Variants in THSD4 observed in about 807,000 individuals in gnomAD.
The protein encoded by THSD4 is thrombospondin type-1 domain-containing protein 4.
A neutral mutation model predicts 119.0 loss-of-function variants in THSD4; 69 were observed. The observed-to-expected ratio is 0.58, with a 90% CI of 0.48 to 0.71. The LOEUF (loss-of-function observed/expected upper bound fraction) is 0.71. THSD4 is among the 30% of genes least tolerant of loss of function. THSD4 has a pLI of 0.00. For missense variants in THSD4, 1,393 were observed against 1,391.1 expected (o/e 1.00, Z -0.02); for synonymous variants, 524 against 540.4 (o/e 0.97, Z 0.42).
Position 71,236,494 on chromosome 15 carries a change from A to G in THSD4, c.465-6155A>G, listed in dbSNP as rs528307599. Among the ~76,000 whole-genome samples the G allele has an allele frequency of 3.9e-5, 6 of 152,340 alleles. No homozygotes were observed. The South Asian group carries it at 8.3e-4, about 21-fold the overall frequency. On this transcript the variant is annotated intron_variant, in intron 4 of 17. Coordinates refer to ENST00000261862, the MANE Select transcript of THSD4 (RefSeq NM_024817.3). ...CAATAGATGAGACTTCTGTTCCTAC[A>G]TAGAAGGAGGTGGCTTTGTCCTCAG...
chr15:71,602,022 A>G (rs951313023), intron 7 of THSD4, among the ~76,000 whole-genome samples: 2 of 152,122 alleles, frequency 1.3e-5, no homozygotes, highest in African/African-American at 4.8e-5. Context: ...ATGATGTAGG[A>G]GGTGGGATTT....
intron 3 of THSD4, among the ~76,000 whole-genome samples, chr15:71,214,021 G>A (rs1028453734): frequency 1.3e-5 from 2 of 149,822 alleles, no homozygotes; most frequent in Non-Finnish European, 2.9e-5. Context: ...TGTCTAGCTA[G>A]AAGATTGTAA....
At chr15:71,601,831 C>G (rs554418467) in intron 7 of THSD4, among the ~76,000 whole-genome samples, 1 of 152,320 alleles carries the variant, frequency 6.6e-6, no homozygotes, top group Admixed American at 6.5e-5. Flanking sequence ...TGTGCGTGAG[C>G]AGCTCTGTAT....
At chr15:71,584,035 C>G (rs1274104467) in intron 7 of THSD4, among the ~76,000 whole-genome samples, 1 of 151,966 alleles carries the variant, frequency 6.6e-6, no homozygotes, top group Admixed American at 6.6e-5. Flanking sequence ...GTAATGCTGT[C>G]TATTTTTACC....
intron 2 of THSD4, 93 bp from the exon 3 acceptor site, chr15:71,154,770 C>A (rs535586523): frequency 7.8e-5 from 100 of 1,285,744 alleles, no homozygotes; most frequent in African/African-American, 1.0e-4. Flanking sequence ...TGTTCCCCCC[C>A]CATCCACTGA....
At chr15:71,400,539 G>A (rs368763809) in intron 6 of THSD4, among the ~76,000 whole-genome samples, 1 of 152,160 alleles carries the variant, frequency 6.6e-6, no homozygotes, top group Non-Finnish European at 1.5e-5. Context: ...GCAATAATAC[G>A]TAGATAATGC....
At chr15:71,127,705 T>C (rs537774938) in intron 1 of THSD4, among the ~76,000 whole-genome samples, 1 of 152,312 alleles carries the variant, frequency 6.6e-6, no homozygotes, top group Admixed American at 6.5e-5. Flanking sequence ...GGGCTGTTTG[T>C]GTATCTTTGT....
intron 7 of THSD4, among the ~76,000 whole-genome samples, chr15:71,475,659 A>C (rs1046110080): frequency 6.6e-6 from 1 of 152,212 alleles, no homozygotes; most frequent in African/African-American, 2.4e-5. Flanking sequence ...GTGGTGGCTC[A>C]TGCCTTTAGT....
At chr15:71,763,801 A>G (rs1318769929) in intron 15 of THSD4, among the ~76,000 whole-genome samples, 2 of 152,132 alleles carry the variant, frequency 1.3e-5, no homozygotes, top group African/African-American at 2.4e-5. Context: ...ATGGTGGCTC[A>G]TGCCTGTAAT....
intron 1 of THSD4, among the ~76,000 whole-genome samples, chr15:71,128,806 A>G (rs1250592681): frequency 1.3e-5 from 2 of 152,232 alleles, no homozygotes; most frequent in African/African-American, 4.8e-5. Context: ...TAACATGTAC[A>G]TAGCTATAAC....
chr15:71,166,655 G>A (rs2141396396), intron 3 of THSD4, among the ~76,000 whole-genome samples: 1 of 152,192 alleles, frequency 6.6e-6, no homozygotes, highest in Non-Finnish European at 1.5e-5. Context: ...GTGCTATCCT[G>A]GGCTTCCATG....
chr15:71,148,865 T>C (rs1489191405), intron 2 of THSD4, among the ~76,000 whole-genome samples: 3 of 152,206 alleles, frequency 2.0e-5, no homozygotes, highest in Non-Finnish European at 2.9e-5. Context: ...GGCTGTTTGG[T>C]AAATGACTTA....
chr15:71,755,109 G>A (rs1007130374), intron 14 of THSD4, among the ~76,000 whole-genome samples: 2 of 152,170 alleles, frequency 1.3e-5, no homozygotes, highest in Admixed American at 1.3e-4. Flanking sequence ...CTGGTTTTAG[G>A]CAGAAATGGG....
chr15:71,267,663 C>T (rs983810658), intron 6 of THSD4, among the ~76,000 whole-genome samples: 1 of 152,162 alleles, frequency 6.6e-6, no homozygotes. Context: ...AAGACACAGA[C>T]TGGCAAATTG....
intron 6 of THSD4, among the ~76,000 whole-genome samples, chr15:71,373,678 T>C (rs1716989635): frequency 6.6e-6 from 1 of 152,210 alleles, no homozygotes; most frequent in Non-Finnish European, 1.5e-5. Context: ...ACTGACTTGC[T>C]CCTGTCCAAA....
chr15:71,492,763 C>A (rs893265338), intron 7 of THSD4, among the ~76,000 whole-genome samples: 1 of 152,104 alleles, frequency 6.6e-6, no homozygotes, highest in African/African-American at 2.4e-5. Context: ...GCAGAAGCTC[C>A]CTATTGTTTC....
chr15:71,630,273 G>A (rs577556132), intron 7 of THSD4, among the ~76,000 whole-genome samples: 23 of 152,146 alleles, frequency 1.5e-4, no homozygotes, highest in African/African-American at 4.8e-4. Context: ...GAGGGGAAAC[G>A]GGGATGCTAA....
At chr15:71,185,004 TA>T (rs2043584531) in intron 3 of THSD4, among the ~76,000 whole-genome samples, 1 of 151,786 alleles carries the variant, frequency 6.6e-6, no homozygotes, top group South Asian at 2.1e-4. Context: ...TGCTAACTGA[TA>T]AGTCTCCTTT....
At chr15:71,341,053 CT>C (rs1191308149) in intron 6 of THSD4, 15 of 826,420 alleles carry the variant, frequency 1.8e-5, no homozygotes, top group Non-Finnish European at 2.7e-5. Flanking sequence ...TCTCCCATTT[CT>C]TTTTTCTTTT....
Sources: allele counts gnomAD v4.1 joint callset (sites outside exome capture counted in the v4.1 genomes callset), GRCh38; gene constraint gnomAD v4.1.1; transcripts MANE v1.5; gene names NCBI Gene and HGNC (gene_info 2026-07-23, HGNC 2026-07-21).